Variants in SGCZ observed in about 807,000 individuals in gnomAD.
SGCZ encodes the protein zeta-sarcoglycan.
In SGCZ, 40 loss-of-function variants were observed where a neutral mutation model predicts 41.3. The ratio of observed to expected loss-of-function variants is 0.97; its 90% CI spans 0.75 to 1.26. SGCZ has a LOEUF of 1.26. Ranked by LOEUF, SGCZ falls within the 50% of genes most tolerant of loss-of-function variation. The pLI is 0.00. For missense variants in SGCZ, 552 were observed against 369.8 expected (o/e 1.49, Z -4.04); for synonymous variants, 206 against 137.5 (o/e 1.50, Z -3.49).
intron 4 of SGCZ, among the ~76,000 whole-genome samples, chr8:14,176,450 T>A (rs987584186): frequency 2.0e-5 from 3 of 152,220 alleles, no homozygotes; most frequent in Non-Finnish European, 4.4e-5. Flanking sequence ...TGTTTCAAAC[T>A]GAATAATTAC....
intron 1 of SGCZ, among the ~76,000 whole-genome samples, chr8:15,128,401 G>T (rs952890371): frequency 2.6e-5 from 4 of 152,168 alleles, no homozygotes; most frequent in African/African-American, 9.7e-5. Flanking sequence ...CCATGCCTCA[G>T]CTCCCACTGC....
chr8:14,991,275 G>C (rs530853593), intron 1 of SGCZ, among the ~76,000 whole-genome samples: 10 of 152,128 alleles, frequency 6.6e-5, no homozygotes, highest in Admixed American at 6.6e-4. Flanking sequence ...ATAGTAATAG[G>C]TACTTTGCTA....
chr8:14,234,191 C>T (rs1806674255), intron 4 of SGCZ, among the ~76,000 whole-genome samples: 1 of 151,916 alleles, frequency 6.6e-6, no homozygotes, highest in African/African-American at 2.4e-5. Context: ...TAGGCTTGAG[C>T]CAGAAACATA....
At chr8:14,972,423 G>A (rs1164349569) in intron 1 of SGCZ, among the ~76,000 whole-genome samples, 3 of 151,970 alleles carry the variant, frequency 2.0e-5, no homozygotes, top group African/African-American at 7.2e-5. Flanking sequence ...TTTCTTGTAG[G>A]CAGCATGGAA....
rs189436748 is a variant in SGCZ, at chr8:14,411,641, C to T, written c.235-87437G>A. Reference sequence around the variant, plus strand: ...TTATTACTTTAGAGCATCATATACCCACCACCTAATAAAATGTCTAGCATA... The same window carrying T: ...TTATTACTTTAGAGCATCATATACCTACCACCTAATAAAATGTCTAGCATA... On this transcript the variant is annotated intron_variant, in intron 2 of 7. Transcript: ENST00000382080. Among the ~76,000 whole-genome samples, 171 of 152,164 alleles carry T rather than the reference C, an allele frequency of 1.1e-3. 3 individuals carry two copies. The highest frequency in any genetic ancestry group is 6.8e-3 in the Middle Eastern group (2 of 294).
chr8:14,787,776 G>A (rs888187565), intron 1 of SGCZ, among the ~76,000 whole-genome samples: 27 of 152,058 alleles, frequency 1.8e-4, no homozygotes, highest in Non-Finnish European at 1.0e-4. Context: ...AACTCGGGAT[G>A]CGGAGATTGC....
At chr8:14,389,959 A>G (rs1804708128) in intron 2 of SGCZ, among the ~76,000 whole-genome samples, 1 of 152,004 alleles carries the variant, frequency 6.6e-6, no homozygotes, top group South Asian at 2.1e-4. Context: ...GTGAGTATTG[A>G]GAAACGAAGA....
intron 3 of SGCZ, chr8:14,309,095 G>C: frequency 6.9e-7 from 1 of 1,444,926 alleles, no homozygotes; most frequent in South Asian, 1.1e-5. Context: ...ATCTCATCAG[G>C]AGGTTGCTAA....
At chr8:14,919,761 T>C (rs1799537454) in intron 1 of SGCZ, among the ~76,000 whole-genome samples, 1 of 151,862 alleles carries the variant, frequency 6.6e-6, no homozygotes, top group Non-Finnish European at 1.5e-5. Flanking sequence ...CTGCTAAAAA[T>C]ACAAAAATTA....
intron 1 of SGCZ, among the ~76,000 whole-genome samples, chr8:14,590,506 C>T (rs951993837): frequency 2.6e-5 from 4 of 151,074 alleles, no homozygotes; most frequent in African/African-American, 9.7e-5. Context: ...GATATTAATT[C>T]TTTAAAATTA....
intron 2 of SGCZ, among the ~76,000 whole-genome samples, chr8:14,353,638 C>G (rs576427339): frequency 6.6e-6 from 1 of 152,128 alleles, no homozygotes; most frequent in African/African-American, 2.4e-5. Flanking sequence ...TTCTTATCAT[C>G]TCTATAATTT....
chr8:14,202,897 C>T (rs1805500372), intron 4 of SGCZ, among the ~76,000 whole-genome samples: 1 of 152,130 alleles, frequency 6.6e-6, no homozygotes, highest in East Asian at 1.9e-4. Flanking sequence ...TCCGACAATT[C>T]CCACATCTTG....
chr8:15,191,517 A>G lies in SGCZ; in HGVS notation c.39+46068T>C, dbSNP rs78055101. Among the ~76,000 whole-genome samples the G allele has an allele frequency of 5.8e-3, 889 of 152,096 alleles. 15 individuals carry two copies. The highest frequency in any genetic ancestry group is 0.02 in the African/African-American group (838 of 41,460). On this transcript the variant is annotated intron_variant, in intron 1 of 7. Transcript: ENST00000382080. ...TTTAAAGAAAACCTTATTATTTTAA[A>G]CCCATCATGTTAGATCTCAAATTCT...
intron 1 of SGCZ, among the ~76,000 whole-genome samples, chr8:15,044,581 T>C (rs902800476): frequency 6.6e-6 from 1 of 152,134 alleles, no homozygotes; most frequent in African/African-American, 2.4e-5. Context: ...GAGACTTTTA[T>C]TAGGATTGTG....
chr8:14,580,529 T>C (rs974596279), intron 1 of SGCZ, among the ~76,000 whole-genome samples: 4 of 152,108 alleles, frequency 2.6e-5, no homozygotes, highest in South Asian at 4.1e-4. Flanking sequence ...AGTATAAATA[T>C]AAACAAACCA....
At chr8:14,510,503 C>G (rs1038543808) in intron 2 of SGCZ, among the ~76,000 whole-genome samples, 23 of 151,924 alleles carry the variant, frequency 1.5e-4, no homozygotes, top group African/African-American at 5.3e-4. Context: ...TTTTGATAAC[C>G]TTGATGATCT....
At chr8:14,616,424 T>C (rs529734628) in intron 1 of SGCZ, among the ~76,000 whole-genome samples, 48 of 152,298 alleles carry the variant, frequency 3.2e-4, no homozygotes, top group African/African-American at 1.2e-3. Context: ...CGAAAGCCTA[T>C]AATTACTCTA....
chr8:15,230,704 C>G (rs1308738138), intron 1 of SGCZ, among the ~76,000 whole-genome samples: 2 of 152,166 alleles, frequency 1.3e-5, no homozygotes, highest in African/African-American at 4.8e-5. Context: ...ACAGTTCTTG[C>G]CATGGTCCCA....
chr8:14,878,407 T>A (rs555776885), intron 1 of SGCZ, among the ~76,000 whole-genome samples: 2 of 152,058 alleles, frequency 1.3e-5, no homozygotes, highest in African/African-American at 4.8e-5. Context: ...ATTGGAGTCA[T>A]TTGGGGAAAA....
Sources: gnomAD v4.1 joint callset for allele counts (sites outside exome capture counted in the v4.1 genomes callset) on GRCh38, gnomAD v4.1.1 for gene constraint, MANE v1.5 for transcripts, NCBI Gene and HGNC (gene_info 2026-07-23, HGNC 2026-07-21) for gene names.